Variants in LRP1B observed in about 807,000 individuals in gnomAD.
LRP1B encodes the protein LDL receptor related protein 1B.
LRP1B carries 217 observed loss-of-function variants against 556.6 expected under a neutral mutation model. That is an observed-to-expected ratio of 0.39 (90% confidence interval 0.35 to 0.44). The LOEUF (loss-of-function observed/expected upper bound fraction) is 0.44, where lower values mean the gene tolerates loss of function less well. Ranked by LOEUF, LRP1B falls within the 20% of genes least tolerant of loss-of-function variation. The pLI is 1.00. For synonymous variants in LRP1B, 2,047 were observed against 1,865.8 expected, an observed-to-expected ratio of 1.10 and a Z score of -2.50; for missense variants, 5,053 against 5,620.8, an observed-to-expected ratio of 0.90 and a Z score of 3.23.
At chr2:140,501,362 T>C (rs1558925930) in intron 55 of LRP1B, among the ~76,000 whole-genome samples, 1 of 151,982 alleles carries the variant, frequency 6.6e-6, no homozygotes, top group African/African-American at 2.4e-5. Flanking sequence ...AGGGAAGAAA[T>C]GGAAACTTAA....
rs557729633 is a variant in LRP1B at position 140,951,386 on chromosome 2, A to G, written c.2968+474T>C. Among the ~76,000 whole-genome samples, 7 of 152,314 alleles carry G rather than the reference A, an allele frequency of 4.6e-5. No individual in the cohort carries two copies. The South Asian group carries it at 1.2e-3, about 27-fold the overall frequency. The stretch of plus-strand genomic sequence containing the variant: ...TGGCTGGGAATGCATTGATTCCTAT[A>G]TAATTAATTTACCTGTATTTGGCAT... On this transcript the variant is annotated intron_variant, in intron 19 of 90. Transcript: ENST00000389484.
chr2:142,078,522 A>G (rs993367031), intron 1 of LRP1B, among the ~76,000 whole-genome samples: 1 of 152,158 alleles, frequency 6.6e-6, no homozygotes, highest in African/African-American at 2.4e-5. Context: ...TTGGCACTTA[A>G]TAACTATTTA....
At chr2:140,792,623 G>T (rs1690162546) in intron 32 of LRP1B, among the ~76,000 whole-genome samples, 2 of 152,030 alleles carry the variant, frequency 1.3e-5, no homozygotes. Context: ...CTTAGAAGAT[G>T]GCAGTCATGA....
intron 45 of LRP1B, among the ~76,000 whole-genome samples, chr2:140,537,117 G>A (rs1018074691): frequency 6.6e-6 from 1 of 150,414 alleles, no homozygotes; most frequent in African/African-American, 2.4e-5. Flanking sequence ...GTTGTAGTGA[G>A]TGGAGATCTT....
chr2:141,456,556 T>C (rs191151398), intron 3 of LRP1B, among the ~76,000 whole-genome samples: 1 of 152,306 alleles, frequency 6.6e-6, no homozygotes, highest in Admixed American at 6.5e-5. Context: ...CATGGGCAAA[T>C]ACATTATAGA....
intron 3 of LRP1B, among the ~76,000 whole-genome samples, chr2:141,282,990 T>A (rs543782050): frequency 6.6e-6 from 1 of 152,262 alleles, no homozygotes; most frequent in East Asian, 1.9e-4. Flanking sequence ...TCTCCTAGAT[T>A]GTAAAGTCCT....
chr2:140,468,461 CAGT>C (rs143121803), intron 60 of LRP1B, among the ~76,000 whole-genome samples: 6,074 of 152,232 alleles, frequency 0.04, 161 homozygotes, highest in Non-Finnish European at 0.045. Context: ...TGGGCCACTG[CAGT>C]GTCCCTTATA....
At chr2:141,131,882 G>A (rs2105028908) in intron 7 of LRP1B, among the ~76,000 whole-genome samples, 1 of 151,642 alleles carries the variant, frequency 6.6e-6, no homozygotes, top group Non-Finnish European at 1.5e-5. Flanking sequence ...TTGTTATTTG[G>A]TTACATGAGT....
chr2:141,489,843 C>T (rs185117464), intron 2 of LRP1B, among the ~76,000 whole-genome samples: 1 of 152,212 alleles, frequency 6.6e-6, no homozygotes, highest in East Asian at 1.9e-4. Flanking sequence ...TGTATGATTA[C>T]ACTTGAGGAT....
chr2:140,690,495 C>G (rs1345476348), intron 41 of LRP1B, among the ~76,000 whole-genome samples: 2 of 152,004 alleles, frequency 1.3e-5, no homozygotes, highest in Non-Finnish European at 2.9e-5. Flanking sequence ...ATTCACAGAT[C>G]TCAGCCACAG....
chr2:142,062,251 T>A (rs1368329851), intron 1 of LRP1B, among the ~76,000 whole-genome samples: 1 of 151,790 alleles, frequency 6.6e-6, no homozygotes, highest in Non-Finnish European at 1.5e-5. Context: ...AAAAGATGAT[T>A]TAGAAATCAG....
intron 31 of LRP1B, among the ~76,000 whole-genome samples, chr2:140,830,436 G>A (rs1032478930): frequency 6.6e-6 from 1 of 152,086 alleles, no homozygotes; most frequent in Non-Finnish European, 1.5e-5. Context: ...GTGATACAAG[G>A]ATGGTCCAAC....
At chr2:140,554,999 T>C (rs1398737198) in intron 43 of LRP1B, among the ~76,000 whole-genome samples, 1 of 151,968 alleles carries the variant, frequency 6.6e-6, no homozygotes, top group Non-Finnish European at 1.5e-5. Flanking sequence ...TGAAGAACTA[T>C]AGACATAATC....
intron 2 of LRP1B, among the ~76,000 whole-genome samples, chr2:141,699,336 G>A (rs1160041312): frequency 3.3e-5 from 5 of 151,752 alleles, no homozygotes; most frequent in Non-Finnish European, 5.9e-5. Context: ...TATTTATTTA[G>A]CATTCTCTGT....
At chr2:141,562,249 T>C (rs1686181584) in intron 2 of LRP1B, among the ~76,000 whole-genome samples, 1 of 151,948 alleles carries the variant, frequency 6.6e-6, no homozygotes, top group African/African-American at 2.4e-5. Flanking sequence ...ACGAACTATG[T>C]CAGAGGCTAA....
At chr2:140,245,208 T>G (rs1681098549) in intron 87 of LRP1B, among the ~76,000 whole-genome samples, 1 of 151,376 alleles carries the variant, frequency 6.6e-6, no homozygotes. Flanking sequence ...TACAACTATT[T>G]GCAACTCTTT....
chr2:141,597,905 C>A (rs900972855), intron 2 of LRP1B, among the ~76,000 whole-genome samples: 2 of 151,628 alleles, frequency 1.3e-5, no homozygotes, highest in African/African-American at 4.8e-5. Flanking sequence ...TTGTTTGTTT[C>A]TTTTTGGGAT....
chr2:142,130,505 C>G, intron 1 of LRP1B, 143 bp downstream of exon 1: 1 of 669,856 alleles, frequency 1.5e-6, no homozygotes. Flanking sequence ...CTCACCCCCG[C>G]ACAGGGCCAG....
At chr2:140,473,798 T>C (rs1687861444) in intron 60 of LRP1B, among the ~76,000 whole-genome samples, 3 of 151,904 alleles carry the variant, frequency 2.0e-5, no homozygotes, top group Admixed American at 2.0e-4. Context: ...TGAAAAGGTT[T>C]ATAGTTACAT....
Sources: gnomAD v4.1 joint callset for allele counts (sites outside exome capture counted in the v4.1 genomes callset) on GRCh38, gnomAD v4.1.1 for gene constraint, MANE v1.5 for transcripts, NCBI Gene and HGNC (gene_info 2026-07-23, HGNC 2026-07-21) for gene names.